COX7B2: variants seen among roughly 807,000 people sequenced by gnomAD.
COX7B2 encodes the protein cytochrome c oxidase subunit 7B2.
For synonymous variants in COX7B2, 37 were observed against 32.1 expected (o/e 1.15, Z -0.51); for missense variants, 109 against 95.9 (o/e 1.14, Z -0.57).
intron 1 of COX7B2, among the ~76,000 whole-genome samples, chr4:46,858,819 G>C (rs1381244938): frequency 1.3e-5 from 2 of 152,108 alleles, no homozygotes; most frequent in Non-Finnish European, 2.9e-5. Context: ...GACATATAAG[G>C]AAATAAAAGG....
intron 2 of COX7B2, among the ~76,000 whole-genome samples, chr4:46,744,905 T>C (rs1338829659): frequency 6.6e-6 from 1 of 151,942 alleles, no homozygotes; most frequent in Non-Finnish European, 1.5e-5. Flanking sequence ...AATTTTGTTG[T>C]GTTTTTAGTA....
chr4:46,763,026 TA>T (rs1318803537), intron 2 of COX7B2, among the ~76,000 whole-genome samples: 5 of 125,332 alleles, frequency 4.0e-5, no homozygotes, highest in African/African-American at 1.5e-4. Flanking sequence ...ATATATAATA[TA>T]ATATAATATA....
chr4:46,746,397 C>T (rs1291282047), intron 2 of COX7B2, among the ~76,000 whole-genome samples: 1 of 152,176 alleles, frequency 6.6e-6, no homozygotes, highest in Non-Finnish European at 1.5e-5. Context: ...AAGTGTAGAA[C>T]AGGTAAGGGA....
intron 1 of COX7B2, among the ~76,000 whole-genome samples, chr4:46,893,813 T>C (rs1719585622): frequency 3.9e-5 from 6 of 152,098 alleles, no homozygotes; most frequent in Admixed American, 3.9e-4. Context: ...CATAAAATAA[T>C]CAAAGAGTAT....
At chr4:46,895,857 A>T (rs1560442901) in intron 1 of COX7B2, among the ~76,000 whole-genome samples, 2 of 152,160 alleles carry the variant, frequency 1.3e-5, no homozygotes, top group African/African-American at 4.8e-5. Flanking sequence ...CTAGAAAATA[A>T]TTACAATTAG....
intron 2 of COX7B2, among the ~76,000 whole-genome samples, chr4:46,764,920 ACAGT>A (rs1716436467): frequency 6.6e-6 from 1 of 152,150 alleles, no homozygotes; most frequent in Non-Finnish European, 1.5e-5. Context: ...GAACTACAAA[ACAGT>A]CAGAAAAGAA....
chr4:46,904,121 GA>G (rs1306864794), intron 1 of COX7B2: 1 of 152,110 alleles, frequency 6.6e-6, no homozygotes, highest in Non-Finnish European at 1.5e-5. Context: ...ATGAAACCAT[GA>G]AGTACTAAAT....
chr4:46,786,181 C>T (rs1298499773), intron 2 of COX7B2, among the ~76,000 whole-genome samples: 2 of 152,182 alleles, frequency 1.3e-5, no homozygotes, highest in East Asian at 3.8e-4. Flanking sequence ...GTCATAACCA[C>T]TGGTAAAATA....
At chr4:46,899,895 G>A (rs1353450063) in intron 1 of COX7B2, among the ~76,000 whole-genome samples, 2 of 152,096 alleles carry the variant, frequency 1.3e-5, no homozygotes, top group African/African-American at 4.8e-5. Flanking sequence ...AAAAAGTCAT[G>A]TACTGGATAT....
intron 2 of COX7B2, among the ~76,000 whole-genome samples, chr4:46,740,964 G>A (rs1714669144): frequency 1.3e-5 from 2 of 152,130 alleles, no homozygotes; most frequent in South Asian, 4.1e-4. Context: ...AATACTGAAA[G>A]GTCAAAGCAT....
chr4:46,795,395 TC>T (rs1718269705), intron 2 of COX7B2, among the ~76,000 whole-genome samples: 1 of 62,800 alleles, frequency 1.6e-5, no homozygotes, highest in Non-Finnish European at 2.7e-5. Flanking sequence ...AAGGAAGGGA[TC>T]CAGTTTCAGC....
At chr4:46,767,966 C>T (rs1204860161) in intron 2 of COX7B2, among the ~76,000 whole-genome samples, 3 of 152,230 alleles carry the variant, frequency 2.0e-5, no homozygotes, top group Non-Finnish European at 4.4e-5. Context: ...TGTGCAAGGG[C>T]TGGGGCGAGT....
chr4:46,869,109 C>T lies in COX7B2; in HGVS notation c.-104-24095G>A, dbSNP rs375944460. Among the ~76,000 whole-genome samples, 21 of 152,242 alleles carry T rather than the reference C, an allele frequency of 1.4e-4. No homozygotes were observed. In the East Asian group the frequency reaches 3.1e-3, roughly 22 times the overall value. Reference sequence around the variant, plus strand: ...TTAGGTCTTCTTGTTGAATTGAACCCTTTACTATTATGTAATGCCTTTCTT... The same window carrying T: ...TTAGGTCTTCTTGTTGAATTGAACCTTTTACTATTATGTAATGCCTTTCTT... On this transcript the variant is annotated intron_variant, in intron 1 of 2. Coordinates refer to ENST00000355591, the MANE Select transcript of COX7B2 (RefSeq NM_130902.3).
At chr4:46,883,113 G>C (rs13118711) in intron 1 of COX7B2, among the ~76,000 whole-genome samples, 77,939 of 152,000 alleles carry the variant, frequency 0.51, 20,197 homozygotes, top group East Asian at 0.67. Flanking sequence ...AATTTAATAT[G>C]TAAGACTGAA....
chr4:46,864,086 G>C (rs931111860), intron 1 of COX7B2, among the ~76,000 whole-genome samples: 2 of 152,068 alleles, frequency 1.3e-5, no homozygotes, highest in Non-Finnish European at 2.9e-5. Context: ...TTTCCAACAA[G>C]GGAAATAATT....
intron 2 of COX7B2, among the ~76,000 whole-genome samples, chr4:46,780,483 C>T (rs190019093): frequency 6.6e-6 from 1 of 152,180 alleles, no homozygotes; most frequent in African/African-American, 2.4e-5. Context: ...TGCCACTGCA[C>T]TCCAGCCTGG....
intron 2 of COX7B2, among the ~76,000 whole-genome samples, chr4:46,753,582 A>C (rs1427773606): frequency 6.6e-6 from 1 of 152,026 alleles, no homozygotes; most frequent in Non-Finnish European, 1.5e-5. Flanking sequence ...TTAAAGACTT[A>C]AATGTTAGAC....
chr4:46,807,416 T>C lies in COX7B2; in HGVS notation c.-50+37544A>G, dbSNP rs557574141. Among the ~76,000 whole-genome samples, 3 of 152,126 alleles carry C rather than the reference T, an allele frequency of 2.0e-5. No homozygotes were observed. In the South Asian group the frequency reaches 6.2e-4, roughly 31 times the overall value. On this transcript the variant is annotated intron_variant, in intron 2 of 2. Transcript: ENST00000355591. ...TATCTAAATTTTAAACATTAAACGC[T>C]TATCAGATATATAGTTTGCAAGTAT... is the stretch of plus-strand genomic sequence containing the variant.
In COX7B2 at chr4:46,875,062, C is replaced by A. The variant is rs1428306141; in HGVS notation, c.-104-30048G>T. 3.9e-5 allele frequency among the ~76,000 whole-genome samples: 6 copies of A among 152,206 alleles called. No homozygotes were observed. In the South Asian group the frequency reaches 8.3e-4, roughly 21 times the overall value. The stretch of plus-strand genomic sequence containing the variant: ...TGGGTAATAAGGCTGCATAACTTAT[C>A]TAGAACAAACATCTGCCTGTTGGTA... On this transcript the variant is annotated intron_variant, in intron 1 of 2. Coordinates refer to ENST00000355591, the MANE Select transcript of COX7B2 (RefSeq NM_130902.3).
Sources: allele counts gnomAD v4.1 joint callset (sites outside exome capture counted in the v4.1 genomes callset), GRCh38; gene constraint gnomAD v4.1.1; transcripts MANE v1.5; gene names NCBI Gene and HGNC (gene_info 2026-07-23, HGNC 2026-07-21).